The following SPATA17 variants were observed in gnomAD, a reference collection of about 807,000 sequenced individuals.
SPATA17 encodes spermatogenesis associated 17, also known as spermatogenesis-associated protein 17.
In SPATA17, 53 loss-of-function variants were observed where a neutral mutation model predicts 62.2. The ratio of observed to expected loss-of-function variants is 0.85; its 90% CI spans 0.68 to 1.07. SPATA17 has a LOEUF of 1.07. Among genes scored for constraint, SPATA17 ranks in the 50% least tolerant of loss-of-function variants. The pLI, the probability that SPATA17 is intolerant of heterozygous loss-of-function variation, is 0.00. For synonymous variants in SPATA17, 146 were observed against 146.8 expected (o/e 0.99, Z 0.04); for missense variants, 466 against 425.5 (o/e 1.10, Z -0.84).
At chr1:217,793,669 G>C (rs6703232) in intron 8 of SPATA17, among the ~76,000 whole-genome samples, 3,366 of 152,172 alleles carry the variant, frequency 0.022, 131 homozygotes, top group African/African-American at 0.078. Context: ...GCACAGTTCT[G>C]GTTAAGAGTC....
chr1:217,661,740 G>A (rs560791433), intron 3 of SPATA17, among the ~76,000 whole-genome samples: 1 of 152,194 alleles, frequency 6.6e-6, no homozygotes, highest in African/African-American at 2.4e-5. Flanking sequence ...CTATTATTGA[G>A]GATGTGCTCT....
At chr1:217,741,602 A>C (rs968159825) in intron 5 of SPATA17, among the ~76,000 whole-genome samples, 1 of 152,150 alleles carries the variant, frequency 6.6e-6, no homozygotes, top group African/African-American at 2.4e-5. Context: ...ATACAAACCC[A>C]AAATGTAAGG....
chr1:217,694,380 G>A (rs1182999061), intron 5 of SPATA17, among the ~76,000 whole-genome samples: 5 of 147,548 alleles, frequency 3.4e-5, no homozygotes, highest in African/African-American at 1.3e-4. Context: ...TTGAGCCTAT[G>A]TATGTCTCTT....
At chr1:217,721,121 T>C (rs1488111829) in intron 5 of SPATA17, among the ~76,000 whole-genome samples, 2 of 152,208 alleles carry the variant, frequency 1.3e-5, no homozygotes, top group Non-Finnish European at 2.9e-5. Context: ...ACTTTAATAT[T>C]CTTGGTATAT....
At chr1:217,740,047 C>T (rs886120338) in intron 5 of SPATA17, among the ~76,000 whole-genome samples, 2 of 151,640 alleles carry the variant, frequency 1.3e-5, no homozygotes, top group Non-Finnish European at 2.9e-5. Context: ...TTTCCATATT[C>T]TGAAGATGAA....
intron 4 of SPATA17, among the ~76,000 whole-genome samples, chr1:217,681,930 T>TA (rs941672304): frequency 1.1e-3 from 159 of 141,818 alleles, no homozygotes; most frequent in Admixed American, 1.6e-3. Flanking sequence ...CCTTTCCTAT[T>TA]AAAAAAAAAA....
intron 3 of SPATA17, among the ~76,000 whole-genome samples, chr1:217,663,187 G>C (rs982371443): frequency 6.6e-6 from 1 of 152,142 alleles, no homozygotes; most frequent in South Asian, 2.1e-4. Flanking sequence ...GCTGATGCCT[G>C]TAATCCCAGC....
chr1:217,730,320 C>T (rs1348995593), intron 5 of SPATA17, among the ~76,000 whole-genome samples: 1 of 151,584 alleles, frequency 6.6e-6, no homozygotes, highest in Non-Finnish European at 1.5e-5. Context: ...CGGGTTCCAG[C>T]AATTCTCCTG....
intron 1 of SPATA17, among the ~76,000 whole-genome samples, chr1:217,632,936 G>A (rs1277547070): frequency 2.0e-5 from 3 of 152,176 alleles, no homozygotes; most frequent in Admixed American, 2.0e-4. Context: ...AGTGGCTCAT[G>A]CCTGTAATCC....
intron 6 of SPATA17, among the ~76,000 whole-genome samples, chr1:217,761,500 A>G (rs888809651): frequency 6.6e-6 from 1 of 152,244 alleles, no homozygotes; most frequent in Middle Eastern, 3.4e-3. Context: ...CTCCACATCA[A>G]CATTTATCAG....
intron 6 of SPATA17, among the ~76,000 whole-genome samples, chr1:217,746,356 GA>G (rs1314578135): frequency 3.3e-5 from 5 of 151,752 alleles, no homozygotes; most frequent in African/African-American, 1.2e-4. Context: ...TTATATTGAT[GA>G]TTTATATTGG....
chr1:217,790,396 C>T, intron 8 of SPATA17, among the ~76,000 whole-genome samples: 1 of 152,168 alleles, frequency 6.6e-6, no homozygotes, highest in African/African-American at 2.4e-5. Context: ...AAGGGGGAAC[C>T]ATGCTCCATT....
chr1:217,797,308 A>G (rs1480816984), intron 8 of SPATA17, among the ~76,000 whole-genome samples: 1 of 146,728 alleles, frequency 6.8e-6, no homozygotes, highest in African/African-American at 2.5e-5. Context: ...GCAGTGCAGT[A>G]GTGTGATCTC....
chr1:217,713,310 C>G (rs1671922180), intron 5 of SPATA17, among the ~76,000 whole-genome samples: 1 of 151,960 alleles, frequency 6.6e-6, no homozygotes, highest in Admixed American at 6.6e-5. Flanking sequence ...AGTCTTGCCT[C>G]ACACAACTGG....
intron 9 of SPATA17, among the ~76,000 whole-genome samples, chr1:217,825,675 C>T (rs1409860289): frequency 1.3e-5 from 2 of 151,912 alleles, no homozygotes; most frequent in Non-Finnish European, 2.9e-5. Context: ...AGGATATTTA[C>T]ATCTTTAAAT....
intron 1 of SPATA17, among the ~76,000 whole-genome samples, chr1:217,639,825 T>A (rs1670017883): frequency 6.6e-6 from 1 of 152,102 alleles, no homozygotes; most frequent in African/African-American, 2.4e-5. Flanking sequence ...ACCACTCTTC[T>A]GACCCACATG....
intron 5 of SPATA17, among the ~76,000 whole-genome samples, chr1:217,727,448 C>A (rs1445866914): frequency 2.0e-5 from 3 of 151,752 alleles, no homozygotes; most frequent in Admixed American, 6.6e-5. Flanking sequence ...CTACTCATTA[C>A]AGTTCTTGAT....
chr1:217,689,221 CTTTTT>C (rs200885875), intron 5 of SPATA17, among the ~76,000 whole-genome samples: 6 of 102,592 alleles, frequency 5.8e-5, no homozygotes, highest in Non-Finnish European at 9.1e-5. Flanking sequence ...TTTATTATGT[CTTTTT>C]TTTTTTTTTT....
intron 1 of SPATA17, among the ~76,000 whole-genome samples, chr1:217,647,388 C>T (rs1225651737): frequency 6.6e-6 from 1 of 152,194 alleles, no homozygotes; most frequent in Non-Finnish European, 1.5e-5. Context: ...AGGCATGTTT[C>T]TCCCTCAGGT....
Sources: allele counts gnomAD v4.1 joint callset (sites outside exome capture counted in the v4.1 genomes callset), GRCh38; gene constraint gnomAD v4.1.1; transcripts MANE v1.5; gene names NCBI Gene and HGNC (gene_info 2026-07-23, HGNC 2026-07-21).